The following TTC17 variants were observed in gnomAD, a reference collection of about 807,000 sequenced individuals.
The protein encoded by TTC17 is tetratricopeptide repeat protein 17.
TTC17 carries 58 observed loss-of-function variants against 143.8 expected under a neutral mutation model. The observed-to-expected ratio is 0.40, with a 90% CI of 0.33 to 0.50. The LOEUF is 0.50. Ranked by LOEUF, TTC17 falls within the 20% of genes least tolerant of loss-of-function variation. The probability of loss-of-function intolerance (pLI) is 0.49; values close to 1 mark genes in which losing one functional copy is unlikely to be tolerated. For missense variants in TTC17, 1,273 were observed against 1,392.5 expected (o/e 0.91, Z 1.37); for synonymous variants, 501 against 497.8 (o/e 1.01, Z -0.09).
At chr11:43,371,919 G>T (rs979061624) in intron 1 of TTC17, among the ~76,000 whole-genome samples, 1 of 152,150 alleles carries the variant, frequency 6.6e-6, no homozygotes, top group African/African-American at 2.4e-5. Context: ...AGACTGAAAT[G>T]TATTCATGGC....
At chr11:43,392,034 T>TA in intron 5 of TTC17, 82 bp downstream of exon 5, 1 of 1,468,924 alleles carries the variant, frequency 6.8e-7, no homozygotes, top group Non-Finnish European at 9.1e-7. Flanking sequence ...TCTTGGAAAA[T>TA]ACCTGACTAA....
At chr11:43,468,181 C>T (rs551241276) in intron 21 of TTC17, 1 of 152,298 alleles carries the variant, frequency 6.6e-6, no homozygotes, top group East Asian at 1.9e-4. Context: ...CAGAAGACAA[C>T]AAAGTGACAT....
In TTC17 at chr11:43,397,901, CGTGTGTGTGTGTGTGTGTGT is replaced by C. The variant is rs368934799; in HGVS notation, c.919-42_919-23del. 1.7e-3 allele frequency: 2,159 copies of C among 1,253,026 alleles called. 9 individuals are homozygous for C. Among genetic ancestry groups the C allele is most frequent in the South Asian group, 3.9e-3 (232 of 60,192 alleles). 77.6% of individuals were successfully genotyped at this position (1,253,026 alleles called of 1,614,324 possible). ...AGGCCGTGGCTAACATTTTTTTTTC[CGTGTGTGTGTGTGTGTGTGT>C]GTGTGTGTGTGTGTGTGTGTGTGTG... On this transcript the variant is annotated intron_variant, in intron 7 of 23. Transcript: ENST00000039989.
intron 21 of TTC17, chr11:43,466,738 C>A: frequency 3.2e-6 from 1 of 316,680 alleles, no homozygotes; most frequent in Middle Eastern, 6.3e-4. Flanking sequence ...ACTGCCATGG[C>A]CAAATGGTGG....
intron 21 of TTC17, among the ~76,000 whole-genome samples, chr11:43,465,603 T>C (rs1435342330): frequency 6.6e-6 from 1 of 152,146 alleles, no homozygotes; most frequent in African/African-American, 2.4e-5. Flanking sequence ...TAAAATCAAA[T>C]TAGACAATGG....
chr11:43,478,326 A>T (rs1431173621), intron 21 of TTC17, among the ~76,000 whole-genome samples: 1 of 152,220 alleles, frequency 6.6e-6, no homozygotes, highest in South Asian at 2.1e-4. Flanking sequence ...AAACTTCTGT[A>T]AGACACTTGG....
chr11:43,365,933 T>C (rs11602674), intron 1 of TTC17, among the ~76,000 whole-genome samples: 25,992 of 152,052 alleles, frequency 0.17, 2,919 homozygotes, highest in Non-Finnish European at 0.24. Context: ...GCTGAGAGTA[T>C]CTGCATTCCT....
At chr11:43,433,291 G>A (rs1456104519) in intron 16 of TTC17, among the ~76,000 whole-genome samples, 2 of 152,322 alleles carry the variant, frequency 1.3e-5, no homozygotes, top group Non-Finnish European at 1.5e-5. Context: ...GAGCCACCGC[G>A]CCTGGCCAAA....
intron 21 of TTC17, among the ~76,000 whole-genome samples, chr11:43,463,299 T>C (rs1237523128): frequency 2.6e-5 from 4 of 152,140 alleles, no homozygotes; most frequent in African/African-American, 9.7e-5. Context: ...AAAAAGGCCT[T>C]AACAAATTTC....
chr11:43,468,002 G>C (rs1231900441), intron 21 of TTC17, among the ~76,000 whole-genome samples: 1 of 152,016 alleles, frequency 6.6e-6, no homozygotes, highest in Non-Finnish European at 1.5e-5. Flanking sequence ...TTATTTCACA[G>C]ACTCAAAGTG....
intron 16 of TTC17, among the ~76,000 whole-genome samples, chr11:43,420,945 T>A (rs1946888806): frequency 1.3e-5 from 2 of 152,218 alleles, no homozygotes; most frequent in Non-Finnish European, 2.9e-5. Context: ...ATTTGTTTTC[T>A]TTCAACCAAA....
In TTC17 at chr11:43,405,940, C is replaced by A. The variant is rs1225258222; in HGVS notation, c.1750C>A (p.His584Asn). The A allele has an allele frequency of 1.2e-6, 2 of 1,612,838 alleles. No individual in the cohort carries two copies. Among genetic ancestry groups the A allele is most frequent in the Admixed American group, 3.3e-5 (2 of 59,720 alleles). Residue 584 changes from histidine (H) to asparagine (N), a missense_variant, in exon 13 of 24, where the codon CAT (histidine) becomes AAT (asparagine). By Grantham distance (68) the His-to-Asn change is moderately conservative (BLOSUM62 1). This residue lies in a region of TTC17 where 878 missense variants were observed against 899.8 expected (regional missense o/e 0.98). Coordinates refer to ENST00000039989, the MANE Select transcript of TTC17 (RefSeq NM_018259.6). ...TCTGAAAGCCAAAATGCCAGATGAC[C>A]ATGCACGAAAAGTAAGGCTCACTTA... is the stretch of plus-strand genomic sequence containing the variant. ...MDLKAKMPDD[H>N]ARKILLSRIN...
chr11:43,417,309 C>T (rs1372106208), intron 16 of TTC17, among the ~76,000 whole-genome samples: 1 of 152,042 alleles, frequency 6.6e-6, no homozygotes, highest in African/African-American at 2.4e-5. Context: ...GGAAAAACCT[C>T]TGAAGGATGA....
chr11:43,409,884 C>T (rs1858327070), intron 15 of TTC17, among the ~76,000 whole-genome samples: 1 of 151,640 alleles, frequency 6.6e-6, no homozygotes, highest in African/African-American at 2.4e-5. Context: ...CTCTGTCACC[C>T]AGGCTGTAGT....
chr11:43,459,635 G>C (rs1274529362), intron 21 of TTC17, among the ~76,000 whole-genome samples: 1 of 152,192 alleles, frequency 6.6e-6, no homozygotes, highest in African/African-American at 2.4e-5. Flanking sequence ...GTCTACCTGA[G>C]AGCGTCAGCT....
At chr11:43,493,110 G>A (rs952482084) in intron 23 of TTC17, among the ~76,000 whole-genome samples, 17 of 152,178 alleles carry the variant, frequency 1.1e-4, no homozygotes, top group African/African-American at 3.1e-4. Flanking sequence ...TACTATGAAC[G>A]AGGACTTATG....
intron 21 of TTC17, chr11:43,466,710 TC>T: frequency 2.8e-6 from 1 of 358,314 alleles, no homozygotes. Context: ...AACAAATGAG[TC>T]CCAGTTTTTC....
intron 16 of TTC17, among the ~76,000 whole-genome samples, chr11:43,420,936 T>TGG (rs1395045038): frequency 2.6e-5 from 4 of 152,210 alleles, no homozygotes; most frequent in African/African-American, 9.6e-5. Context: ...AAAGCAACAA[T>TGG]TTGTTTTCTT....
At chr11:43,479,239 C>CA (rs1456256911) in intron 21 of TTC17, among the ~76,000 whole-genome samples, 1 of 147,082 alleles carries the variant, frequency 6.8e-6, no homozygotes, top group Non-Finnish European at 1.5e-5. Context: ...GACTCCATCT[C>CA]AAAAAAAGAA....
Sources: gnomAD v4.1 joint callset for allele counts (sites outside exome capture counted in the v4.1 genomes callset) on GRCh38, gnomAD v4.1.1 for gene constraint, gnomAD v4.1.1 regional missense constraint, MANE v1.5 for transcripts, NCBI Gene and HGNC (gene_info 2026-07-23, HGNC 2026-07-21) for gene names.